The following HUWE1 variants were observed in gnomAD, a reference collection of about 807,000 sequenced individuals.
The protein encoded by HUWE1 is E3 ubiquitin-protein ligase HUWE1.
Under a neutral mutation model 299.4 loss-of-function variants are expected in HUWE1, and 18 were observed. That is an observed-to-expected ratio of 0.06 (90% CI 0.04 to 0.09). The LOEUF (loss-of-function observed/expected upper bound fraction) is 0.09. HUWE1 is among the 10% of genes least tolerant of loss of function. The pLI is 1.00. For missense variants in HUWE1, 1,832 were observed against 3,462.3 expected (o/e 0.53, Z 11.82); for synonymous variants, 1,317 against 1,286.1 (o/e 1.02, Z -0.51).
At chrX:53,535,736 G>C (rs947870553) in intron 80 of HUWE1, among the ~76,000 whole-genome samples, 44 of 111,540 alleles carry the variant, frequency 3.9e-4, no homozygotes, top group African/African-American at 1.4e-3. Flanking sequence ...AAAGGCAGAA[G>C]AGAGTAAGGC....
At chrX:53,661,443 C>T (rs1368127882) in intron 3 of HUWE1, among the ~76,000 whole-genome samples, 1 of 111,623 alleles carries the variant, frequency 9.0e-6, no homozygotes, top group Non-Finnish European at 1.9e-5. Flanking sequence ...GAAAAAATTA[C>T]TCCAAGAGAG....
chrX:53,544,010 G>A (rs2061453350), intron 72 of HUWE1, 42 bp from the exon 73 acceptor site: 12 of 1,098,151 alleles, frequency 1.1e-5, no homozygotes, highest in Non-Finnish European at 1.5e-5. Flanking sequence ...TAAAATATAG[G>A]AAGAGGGAAA....
chrX:53,600,391 C>A, intron 28 of HUWE1, 82 bp from the exon 29 acceptor site: 3 of 745,204 alleles, frequency 4.0e-6, no homozygotes. Context: ...GACAAGATTA[C>A]CTATGGTTTT....
At chrX:53,604,565 G>T in intron 26 of HUWE1, 24 bp downstream of exon 26, 2 of 1,205,782 alleles carry the variant, frequency 1.7e-6, no homozygotes, top group Non-Finnish European at 2.2e-6. Flanking sequence ...AAATTAATAT[G>T]TTCACCCCTA....
chrX:53,603,782 T>C (rs1428392490), intron 26 of HUWE1, among the ~76,000 whole-genome samples: 1 of 112,302 alleles, frequency 8.9e-6, no homozygotes, highest in Non-Finnish European at 1.9e-5. Flanking sequence ...ATCAAAGAAA[T>C]GGTTTTACAG....
intron 33 of HUWE1, among the ~76,000 whole-genome samples, chrX:53,591,718 A>G (rs782014739): frequency 8.9e-6 from 1 of 112,695 alleles, no homozygotes; most frequent in Non-Finnish European, 1.9e-5. Context: ...GACTGACTGA[A>G]AAAGGAGACA....
chrX:53,602,506 A>G (rs1465779192), intron 28 of HUWE1, 58 bp downstream of exon 28: 3 of 691,175 alleles, frequency 4.3e-6, no homozygotes, highest in African/African-American at 4.3e-5. Context: ...ATAAACCTAT[A>G]AAGACGTAGG....
intron 81 of HUWE1, among the ~76,000 whole-genome samples, chrX:53,535,171 C>A (rs781956925): frequency 1.8e-5 from 2 of 111,399 alleles, no homozygotes; most frequent in South Asian, 3.8e-4. Flanking sequence ...CTCACCTCAA[C>A]TGATCCGCCC....
At chrX:53,548,671 A>C (rs782118411) in intron 67 of HUWE1, among the ~76,000 whole-genome samples, 1 of 112,778 alleles carries the variant, frequency 8.9e-6, no homozygotes, top group African/African-American at 3.2e-5. Context: ...ATCACTTTCT[A>C]ATCATAAGAC....
At chrX:53,677,091 C>T (rs184617393) in intron 3 of HUWE1, among the ~76,000 whole-genome samples, 45 of 89,573 alleles carry the variant, frequency 5.0e-4, no homozygotes, top group African/African-American at 1.5e-3. Context: ...CCCCACCCCA[C>T]CCCCCCGCAA....
chrX:53,619,590 GAAAAAAA>G (rs35685121), intron 19 of HUWE1, among the ~76,000 whole-genome samples: 2 of 41,155 alleles, frequency 4.9e-5, no homozygotes, highest in Admixed American at 3.4e-4. Context: ...AGAAATAGAA[GAAAAAAA>G]AAAAAAAAAA....
chrX:53,661,844 CCT>C (rs1395888096), intron 3 of HUWE1, among the ~76,000 whole-genome samples: 2 of 111,551 alleles, frequency 1.8e-5, no homozygotes, highest in African/African-American at 3.3e-5. Context: ...TCCTTACACC[CCT>C]GAGGTTTGAA....
chrX:53,566,159 A>ATATATATATC (rs1556945870), intron 49 of HUWE1, among the ~76,000 whole-genome samples: 4 of 96,488 alleles, frequency 4.1e-5, no homozygotes, highest in Admixed American at 1.2e-4. Flanking sequence ...ATATATATAT[A>ATATATATATC]TATATGCTCA....
At chrX:53,594,819 G>A (rs1174459689) in intron 30 of HUWE1, among the ~76,000 whole-genome samples, 198 bp from the exon 31 acceptor site, 2 of 111,552 alleles carry the variant, frequency 1.8e-5, no homozygotes, top group Admixed American at 9.5e-5. Flanking sequence ...CTGACGTGAC[G>A]CTCAAAGTAC....
chrX:53,595,098 G>T, intron 30 of HUWE1, 89 bp downstream of exon 30: 1 of 787,015 alleles, frequency 1.3e-6, no homozygotes, highest in Non-Finnish European at 1.9e-6. Flanking sequence ...CAAATTCAGT[G>T]GCTCACACTC....
chrX:53,653,129 G>C (rs1261993976), intron 4 of HUWE1, among the ~76,000 whole-genome samples: 1 of 111,984 alleles, frequency 8.9e-6, no homozygotes, highest in Non-Finnish European at 1.9e-5. Context: ...CTGTGTGACA[G>C]AGCAAAACCC....
chrX:53,633,930 T>C (rs782026772), intron 8 of HUWE1, among the ~76,000 whole-genome samples: 16 of 112,151 alleles, frequency 1.4e-4, no homozygotes, highest in South Asian at 7.4e-4. Flanking sequence ...GCGAACATAC[T>C]TTCTGGGATT....
chrX:53,541,780 C>T (rs781806313), intron 74 of HUWE1, among the ~76,000 whole-genome samples: 7 of 111,831 alleles, frequency 6.3e-5, no homozygotes, highest in South Asian at 7.5e-4. Context: ...GCAGGAGGAT[C>T]GATTGAGCTC....
At chrX:53,672,077 G>A (rs1557049592) in intron 3 of HUWE1, among the ~76,000 whole-genome samples, 1 of 110,263 alleles carries the variant, frequency 9.1e-6, no homozygotes, top group Non-Finnish European at 1.9e-5. Flanking sequence ...TGAAACAGGG[G>A]TCAATATGTG....
Sources: gnomAD v4.1 joint callset for allele counts (sites outside exome capture counted in the v4.1 genomes callset) on GRCh38, gnomAD v4.1.1 for gene constraint, MANE v1.5 for transcripts, NCBI Gene and HGNC (gene_info 2026-07-23, HGNC 2026-07-21) for gene names.